The following TIMM23B variants were observed in gnomAD, a reference collection of about 807,000 sequenced individuals.
TIMM23B encodes the protein translocase of inner mitochondrial membrane 23 homolog B.
TIMM23B carries 27 observed loss-of-function variants against 27.3 expected under a neutral mutation model. The observed-to-expected ratio is 0.99, with a 90% CI of 0.73 to 1.36. TIMM23B has a LOEUF of 1.36. TIMM23B is among the 40% of genes most tolerant of loss of function. The pLI is 0.00. For missense variants in TIMM23B, 205 were observed against 244.2 expected, an observed-to-expected ratio of 0.84 and a Z score of 1.07; for synonymous variants, 73 against 92.4, an observed-to-expected ratio of 0.79 and a Z score of 1.21.
intron 5 of TIMM23B, among the ~76,000 whole-genome samples, chr10:49,957,254 GA>G (rs1258972162): frequency 2.1e-5 from 3 of 145,280 alleles, no homozygotes; most frequent in South Asian, 2.1e-4. Flanking sequence ...TTATTATAAA[GA>G]TTTTTTTTTT....
At chr10:49,964,555 AAATGAAATGAAAT>A (rs1840048462) in intron 6 of TIMM23B, among the ~76,000 whole-genome samples, 2 of 152,044 alleles carry the variant, frequency 1.3e-5, no homozygotes. Context: ...TCTCGAAATG[AAATGAAATGAAAT>A]GATGAAATGA....
intron 6 of TIMM23B, among the ~76,000 whole-genome samples, chr10:49,969,395 C>T (rs544724404): frequency 1.9e-3 from 281 of 147,588 alleles, no homozygotes; most frequent in Non-Finnish European, 3.3e-3. Context: ...CTTCATTGTG[C>T]CACTGCACTC....
At chr10:49,971,351 A>T (rs1840438907) in intron 6 of TIMM23B, among the ~76,000 whole-genome samples, 1 of 150,698 alleles carries the variant, frequency 6.6e-6, no homozygotes, top group Admixed American at 6.6e-5. Context: ...AAAAAAAAAT[A>T]CTGCAAGAAC....
chr10:49,945,034 A>G lies in TIMM23B; in HGVS notation c.109A>G (p.Thr37Ala). Residue 37 changes from threonine (T) to alanine (A), a missense_variant and splice_region_variant, in exon 2 of 7, where the codon ACT becomes GCT. By Grantham distance (58) the Thr-to-Ala change is moderately conservative. Transcript: ENST00000651259. ...GTGACATTTTGTTTTCTCTCTAGTA[A>G]CTGGTATGAACCCTCTGTGTCCTTA... The part of the protein sequence containing the change: ...SHADLAGVPL[T>A]GMNPLCPYLN... 1 of 1,586,120 alleles carries G rather than the reference A, an allele frequency of 6.3e-7. No individual in the cohort carries two copies. The highest frequency in any genetic ancestry group is 8.7e-7 in the Non-Finnish European group (1 of 1,156,022).
chr10:49,953,417 C>T (rs1418919857), intron 4 of TIMM23B, among the ~76,000 whole-genome samples: 1 of 152,208 alleles, frequency 6.6e-6, no homozygotes, highest in East Asian at 1.9e-4. Context: ...GCCATCACAG[C>T]TCACTGTAGC....
intron 1 of TIMM23B, chr10:49,943,428 T>A (rs1839230949): frequency 6.6e-6 from 1 of 152,046 alleles, no homozygotes; most frequent in African/African-American, 2.4e-5. Flanking sequence ...GGGGTCTCCC[T>A]GTGTTGTCCA....
chr10:49,967,140 T>G (rs1382295308), intron 6 of TIMM23B, among the ~76,000 whole-genome samples: 10 of 152,168 alleles, frequency 6.6e-5, no homozygotes, highest in Admixed American at 6.5e-4. Context: ...CAGGCTAGTC[T>G]CAAACTCCTG....
chr10:49,960,710 C>T (rs1275305019), intron 6 of TIMM23B, among the ~76,000 whole-genome samples: 496 of 151,522 alleles, frequency 3.3e-3, no homozygotes, highest in Non-Finnish European at 5.3e-3. Context: ...AACCAAATTA[C>T]CTCCAGGACA....
chr10:49,949,206 T>TC (rs1403517745), intron 2 of TIMM23B, among the ~76,000 whole-genome samples: 2 of 149,824 alleles, frequency 1.3e-5, no homozygotes, highest in African/African-American at 2.5e-5. Context: ...CCTTTTTTTT[T>TC]TTTTTTTTTT....
At chr10:49,942,814 G>A (rs1331850006) in intron 1 of TIMM23B, among the ~76,000 whole-genome samples, 47 of 152,268 alleles carry the variant, frequency 3.1e-4, no homozygotes, top group Non-Finnish European at 5.4e-4. Context: ...GAACTTTAAA[G>A]GTGATATATA....
At chr10:49,964,991 T>C (rs1198251687) in intron 6 of TIMM23B, among the ~76,000 whole-genome samples, 3 of 152,070 alleles carry the variant, frequency 2.0e-5, no homozygotes, top group Admixed American at 6.6e-5. Context: ...GAGGCCTAGG[T>C]GGGCGGATCA....
intron 3 of TIMM23B, 48 bp downstream of exon 3, chr10:49,952,267 G>T: frequency 1.3e-6 from 2 of 1,539,106 alleles, no homozygotes; most frequent in South Asian, 2.3e-5. Context: ...TCAAGTAGTT[G>T]AGGGTGCGTA....
At chr10:49,949,080 A>G (rs1839440857) in intron 2 of TIMM23B, among the ~76,000 whole-genome samples, 2 of 150,420 alleles carry the variant, frequency 1.3e-5, no homozygotes, top group African/African-American at 4.9e-5. Flanking sequence ...CATTCTTTGT[A>G]GAGATGTGAT....
chr10:49,963,355 A>G (rs1839989357), intron 6 of TIMM23B, among the ~76,000 whole-genome samples: 1 of 152,024 alleles, frequency 6.6e-6, no homozygotes, highest in Non-Finnish European at 1.5e-5. Context: ...AATAAAATGA[A>G]TAATGAATTG....
At chr10:49,972,359 C>T (rs1180502236) in intron 6 of TIMM23B, among the ~76,000 whole-genome samples, 3 of 151,640 alleles carry the variant, frequency 2.0e-5, no homozygotes, top group Non-Finnish European at 4.4e-5. Flanking sequence ...GGAACTGGAA[C>T]CCTTGTACAC....
intron 6 of TIMM23B, 125 bp from the exon 7 acceptor site, chr10:49,972,887 A>G: frequency 2.8e-6 from 2 of 726,368 alleles, no homozygotes; most frequent in South Asian, 3.4e-5. Flanking sequence ...CATGTTGTAA[A>G]TTATTTTGTC....
In TIMM23B at chr10:49,942,259, G is replaced by A; in HGVS notation, c.65G>A (p.Gly22Asp). The change falls in exon 1 of 7, where the codon GGC becomes GAC. Residue 22 changes from glycine (G) to aspartate (D), a missense_variant. Transcript: ENST00000651259. ...TGVLAGFFGA[G>D]EAGYSHADLA... The stretch of plus-strand genomic sequence containing the variant: ...GTATTGGCCGGCTTTTTCGGAGCCG[G>A]CGAAGCAGGTTACTCGCACGCGGAT... The A allele has an allele frequency of 1.2e-6, 2 of 1,612,740 alleles. No individual in the cohort carries two copies. Among genetic ancestry groups the A allele is most frequent in the South Asian group, 1.1e-5 (1 of 90,822 alleles).
intron 1 of TIMM23B, among the ~76,000 whole-genome samples, chr10:49,943,793 A>G (rs1192358347): frequency 2.1e-5 from 3 of 143,858 alleles, no homozygotes; most frequent in African/African-American, 8.0e-5. Flanking sequence ...CAGAGCTTAC[A>G]TAATACTGAG....
intron 2 of TIMM23B, among the ~76,000 whole-genome samples, chr10:49,946,691 C>G (rs1258563384): frequency 1.3e-5 from 2 of 149,210 alleles, no homozygotes; most frequent in Non-Finnish European, 3.0e-5. Context: ...TGGAAAGACA[C>G]ATGCTATGAT....
Sources: allele counts gnomAD v4.1 joint callset (sites outside exome capture counted in the v4.1 genomes callset), GRCh38; gene constraint gnomAD v4.1.1; transcripts MANE v1.5; gene names NCBI Gene and HGNC (gene_info 2026-07-23, HGNC 2026-07-21).